The following KCNH1 variants were observed in gnomAD, a reference collection of about 807,000 sequenced individuals.
The protein encoded by KCNH1 is voltage-gated delayed rectifier potassium channel KCNH1.
A neutral mutation model predicts 69.2 loss-of-function variants in KCNH1; 27 were observed. That is an observed-to-expected ratio of 0.39 (90% CI 0.29 to 0.54). The LOEUF (loss-of-function observed/expected upper bound fraction) is 0.54, where lower values mean the gene tolerates loss of function less well. Ranked by LOEUF, KCNH1 falls within the 20% of genes least tolerant of loss-of-function variation. The pLI, the probability that KCNH1 is intolerant of heterozygous loss-of-function variation, is 0.68. For missense variants in KCNH1, 798 were observed against 1,261.6 expected, an observed-to-expected ratio of 0.63 and a Z score of 5.57; for synonymous variants, 456 against 487.7, an observed-to-expected ratio of 0.93 and a Z score of 0.86.
At chr1:210,947,927 C>T (rs1001151813) in intron 6 of KCNH1, among the ~76,000 whole-genome samples, 1 of 151,888 alleles carries the variant, frequency 6.6e-6, no homozygotes, top group Non-Finnish European at 1.5e-5. Context: ...GAGATAATTG[C>T]CCTCCATGGT....
rs373212323 is a variant in KCNH1, at chr1:210,731,069, G to C, written c.2112+44279C>G. The stretch of plus-strand genomic sequence containing the variant: ...AAGGGGCCAAGTGATCAGAGAATAG[G>C]AAGAAAAGGTTTGAGAGTTATCTCC... On this transcript the variant is annotated intron_variant, in intron 10 of 10. Transcript: ENST00000271751. Among the ~76,000 whole-genome samples the C allele has an allele frequency of 1.4e-4, 22 of 152,306 alleles. 1 individual carries two copies. The highest frequency in any genetic ancestry group is 1.2e-3 in the East Asian group (6 of 5,184).
At chr1:210,801,984 C>T (rs1440198816) in intron 8 of KCNH1, among the ~76,000 whole-genome samples, 1 of 152,176 alleles carries the variant, frequency 6.6e-6, no homozygotes, top group African/African-American at 2.4e-5. Flanking sequence ...GTGTTCAAAT[C>T]CTGGCTTTGC....
intron 6 of KCNH1, among the ~76,000 whole-genome samples, chr1:210,950,294 G>A (rs1688039565): frequency 6.8e-6 from 1 of 146,788 alleles, no homozygotes; most frequent in Non-Finnish European, 1.5e-5. Context: ...ATGTATACAT[G>A]TGCCATGCTG....
chr1:210,840,016 A>G (rs1685372304), intron 7 of KCNH1, among the ~76,000 whole-genome samples: 1 of 152,208 alleles, frequency 6.6e-6, no homozygotes, highest in Admixed American at 6.6e-5. Flanking sequence ...ACAGACAGAG[A>G]CAGACAGAGA....
Position 210,819,529 on chromosome 1 carries a change from C to G in KCNH1, c.1463-15363G>C, listed in dbSNP as rs144920843. ...TGAATTACTGCGGCTCCAAGGCAAT[C>G]ACGGCTATCCTGAGAGTAGAGAGAA... On this transcript the variant is annotated intron_variant, in intron 7 of 10. Coordinates refer to ENST00000271751, the MANE Select transcript of KCNH1 (RefSeq NM_172362.3). 8.2e-3 allele frequency among the ~76,000 whole-genome samples: 1,253 copies of G among 151,942 alleles called. 13 individuals are homozygous for G. Among genetic ancestry groups the G allele is most frequent in the South Asian group, 0.025 (119 of 4,804 alleles).
intron 10 of KCNH1, among the ~76,000 whole-genome samples, chr1:210,730,602 C>A (rs1682723098): frequency 6.7e-6 from 1 of 150,064 alleles, no homozygotes; most frequent in South Asian, 2.2e-4. Flanking sequence ...CCCATGTAAC[C>A]CTTCTGGAGT....
At chr1:210,955,072 T>G (rs1688142000) in intron 6 of KCNH1, among the ~76,000 whole-genome samples, 1 of 152,234 alleles carries the variant, frequency 6.6e-6, no homozygotes, top group African/African-American at 2.4e-5. Flanking sequence ...TTGACTTAAT[T>G]TTTGTATAAG....
At chr1:210,968,577 G>C (rs1233601243) in intron 6 of KCNH1, among the ~76,000 whole-genome samples, 5 of 150,804 alleles carry the variant, frequency 3.3e-5, no homozygotes, top group African/African-American at 9.8e-5. Context: ...ATGTGAGATG[G>C]TATCTCATTG....
At chr1:210,744,032 T>A (rs1683094248) in intron 10 of KCNH1, among the ~76,000 whole-genome samples, 4 of 152,160 alleles carry the variant, frequency 2.6e-5, no homozygotes, top group Admixed American at 2.6e-4. Context: ...AGACCACTCC[T>A]GTAAGCAGCT....
intron 7 of KCNH1, among the ~76,000 whole-genome samples, chr1:210,885,053 T>C (rs1368371969): frequency 6.6e-6 from 1 of 152,244 alleles, no homozygotes; most frequent in Non-Finnish European, 1.5e-5. Flanking sequence ...CAGTAGGCAC[T>C]ACCAGTGCAC....
chr1:210,926,907 A>G (rs1687585795), intron 6 of KCNH1, among the ~76,000 whole-genome samples: 1 of 152,176 alleles, frequency 6.6e-6, no homozygotes, highest in African/African-American at 2.4e-5. Flanking sequence ...AGACACACTT[A>G]GAGAAATGCA....
At chr1:210,878,362 A>T (rs1686425593) in intron 7 of KCNH1, among the ~76,000 whole-genome samples, 1 of 152,110 alleles carries the variant, frequency 6.6e-6, no homozygotes, top group Non-Finnish European at 1.5e-5. Context: ...TCAAGCTCAC[A>T]TGGAACATTC....
At chr1:210,916,596 A>G (rs1273341976) in intron 7 of KCNH1, among the ~76,000 whole-genome samples, 2 of 152,192 alleles carry the variant, frequency 1.3e-5, no homozygotes, top group Admixed American at 6.5e-5. Context: ...TCTGAATCCT[A>G]TCTCTCCTGT....
chr1:210,885,388 G>A (rs547106409), intron 7 of KCNH1, among the ~76,000 whole-genome samples: 2 of 152,188 alleles, frequency 1.3e-5, no homozygotes, highest in Non-Finnish European at 1.5e-5. Context: ...AAAATACTAT[G>A]CTTTTCCCAC....
chr1:210,789,608 G>A (rs999339924), intron 9 of KCNH1, among the ~76,000 whole-genome samples: 1 of 152,036 alleles, frequency 6.6e-6, no homozygotes, highest in African/African-American at 2.4e-5. Context: ...ATACCCCTTT[G>A]AAAATTAAAA....
intron 6 of KCNH1, among the ~76,000 whole-genome samples, chr1:211,000,077 G>A (rs541300063): frequency 1.1e-3 from 163 of 152,296 alleles, no homozygotes; most frequent in African/African-American, 3.8e-3. Context: ...GCAAAAACTG[G>A]AAGCATTCCC....
chr1:210,957,143 G>A (rs891615551), intron 6 of KCNH1, among the ~76,000 whole-genome samples: 1 of 151,992 alleles, frequency 6.6e-6, no homozygotes, highest in Admixed American at 6.6e-5. Flanking sequence ...CAAAGAACTT[G>A]TTTCTTTCTG....
rs150367535 is a variant in KCNH1 at position 210,854,801 on chromosome 1, G to A, written c.1463-50635C>T. ...TAAAAATAAAAGAGAGCAGGTAAGT[G>A]TATCAAGAACACAGATTTAGCCAGA... On this transcript the variant is annotated intron_variant, in intron 7 of 10. Transcript: ENST00000271751. Among the ~76,000 whole-genome samples, 970 of 152,310 alleles carry A rather than the reference G, an allele frequency of 6.4e-3. 36 individuals are homozygous for A. Among genetic ancestry groups the A allele is most frequent in the Admixed American group, 0.058 (888 of 15,300 alleles).
Position 210,919,859 on chromosome 1 carries a change from T to C in KCNH1, c.1243A>G (p.Asn415Asp), listed in dbSNP as rs747626083. 4 of 1,614,064 alleles carry C rather than the reference T, an allele frequency of 2.5e-6. No homozygotes were observed. The highest frequency in any genetic ancestry group is 2.5e-6 in the Non-Finnish European group (3 of 1,180,020). The part of the protein sequence containing the change: ...IFDEDTKTIR[N>D]NSWLYQLAMD... The stretch of plus-strand genomic sequence containing the variant: ...GCTAGTTGGTACAGCCAGCTGTTGT[T>C]GCGGATTGTCTTGGTGTCCTCGTCA... The change falls in exon 7 of 11, where the codon AAC (asparagine) becomes GAC (aspartate). Residue 415 changes from asparagine (N) to aspartate (D), a missense_variant. By Grantham distance (23) the Asn-to-Asp change is conservative. Around this residue, in one of 4 missense-constraint regions of KCNH1, gnomAD observed 197 missense variants for 407.7 expected, o/e 0.48. Coordinates refer to ENST00000271751, the MANE Select transcript of KCNH1 (RefSeq NM_172362.3). The surrounding 1 kb of genome is among the most constrained non-coding windows in gnomAD (Gnocchi z 4.2).
Sources: gnomAD v4.1 joint callset for allele counts (sites outside exome capture counted in the v4.1 genomes callset) on GRCh38, gnomAD v4.1.1 for gene constraint, gnomAD v4.1.1 regional missense constraint, Gnocchi (gnomAD v3.1) non-coding constraint, MANE v1.5 for transcripts, NCBI Gene and HGNC (gene_info 2026-07-23, HGNC 2026-07-21) for gene names.